Variants in ALOX5 observed in about 807,000 individuals in gnomAD.
ALOX5 encodes the protein polyunsaturated fatty acid 5-lipoxygenase.
Under a neutral mutation model 87.9 loss-of-function variants are expected in ALOX5, and 64 were observed. The ratio of observed to expected loss-of-function variants is 0.73; its 90% CI spans 0.60 to 0.90. ALOX5 has a LOEUF of 0.90. ALOX5 is among the 40% of genes least tolerant of loss of function. The pLI is 0.00. For synonymous variants in ALOX5, 388 were observed against 355.1 expected (o/e 1.09, Z -1.04); for missense variants, 822 against 907.5 (o/e 0.91, Z 1.21).
chr10:45,445,994 G>A lies in ALOX5; in HGVS notation c.*307G>A. Reference sequence around the variant, plus strand: ...GATGTCTATTCTTGTTGGAGACATGGGATGATTATTTTCTGTTCTATTTGT... The same window carrying A: ...GATGTCTATTCTTGTTGGAGACATGAGATGATTATTTTCTGTTCTATTTGT... On this transcript the variant is annotated 3_prime_UTR_variant, in exon 14 of 14. Coordinates refer to ENST00000374391, the MANE Select transcript of ALOX5 (RefSeq NM_000698.5). 1 of 366,394 alleles carries A rather than the reference G, an allele frequency of 2.7e-6. No homozygotes were observed. The highest frequency in any genetic ancestry group is 4.9e-6 in the Non-Finnish European group (1 of 204,052). The allele number at this position is 366,394 out of a possible 1,614,324, so 22.7% of individuals were successfully genotyped here.
chr10:45,436,666 T>C (rs1842069736), intron 7 of ALOX5, among the ~76,000 whole-genome samples: 1 of 152,220 alleles, frequency 6.6e-6, no homozygotes, highest in Admixed American at 6.5e-5. Flanking sequence ...TCTTGTAGTA[T>C]AGTTTGAAGT....
intron 6 of ALOX5, among the ~76,000 whole-genome samples, chr10:45,426,484 A>T (rs1841709009): frequency 6.6e-6 from 1 of 152,226 alleles, no homozygotes; most frequent in African/African-American, 2.4e-5. Flanking sequence ...CACCTTAATG[A>T]TCTACAGCAA....
intron 3 of ALOX5, among the ~76,000 whole-genome samples, chr10:45,396,902 T>TG (rs1413207400): frequency 6.6e-6 from 1 of 152,186 alleles, no homozygotes; most frequent in African/African-American, 2.4e-5. Flanking sequence ...AAAGTTGGTT[T>TG]AACATCCAAA....
At chr10:45,420,237 G>T (rs916824031) in intron 4 of ALOX5, among the ~76,000 whole-genome samples, 1 of 152,176 alleles carries the variant, frequency 6.6e-6, no homozygotes, top group African/African-American at 2.4e-5. Context: ...TGAAATCAGG[G>T]ATGTGTCCCA....
chr10:45,425,135 AG>A lies in ALOX5; in HGVS notation c.834+7del. ...TCAGCTTGGAGCAGGAGGTCCAGGT[AG>A]GGGTTGATGGGCTGGGGAAGTGGCC... is the stretch of plus-strand genomic sequence containing the variant. On this transcript the variant is annotated splice_donor_region_variant and intron_variant, in intron 6 of 13. Transcript: ENST00000374391. This position sits in a 1 kb window ranked among gnomAD's most constrained non-coding sequence, Gnocchi z 4.4. 1.2e-6 allele frequency: 2 copies of A among 1,612,706 alleles called. No homozygotes were observed. The highest frequency in any genetic ancestry group is 1.7e-6 in the Non-Finnish European group (2 of 1,179,396).
At position 45,389,034 on chromosome 10, in the gene ALOX5, T is replaced by C. The variant is rs192430299; in HGVS notation, c.349+6353T>C. Among the ~76,000 whole-genome samples the C allele has an allele frequency of 3.9e-3, 595 of 152,302 alleles. 4 individuals carry two copies. Among genetic ancestry groups the C allele is most frequent in the African/African-American group, 0.013 (551 of 41,550 alleles). ...GAGCTGAAAAACATGGCACGAGAAC[T>C]ATGTGACGAATGCACAAGCTTCAGT... On this transcript the variant is annotated intron_variant, in intron 2 of 13. Transcript: ENST00000374391.
intron 8 of ALOX5, among the ~76,000 whole-genome samples, chr10:45,441,098 G>A (rs1335337906): frequency 3.3e-5 from 5 of 152,230 alleles, no homozygotes; most frequent in African/African-American, 1.2e-4. Context: ...AACTCAGGGA[G>A]CAAAGAGGTA....
intron 7 of ALOX5, among the ~76,000 whole-genome samples, chr10:45,434,922 C>T (rs980091257): frequency 6.6e-6 from 1 of 152,208 alleles, no homozygotes; most frequent in Non-Finnish European, 1.5e-5. Flanking sequence ...TTCTCAGGCT[C>T]TCCTGTCATG....
chr10:45,441,727 T>A (rs1589049750), intron 9 of ALOX5: 1 of 402,560 alleles, frequency 2.5e-6, no homozygotes, highest in Non-Finnish European at 4.3e-6. Context: ...TGGAACACAC[T>A]CCTTATGGCC....
chr10:45,389,646 G>A (rs1047519581), intron 2 of ALOX5, among the ~76,000 whole-genome samples: 51 of 152,204 alleles, frequency 3.4e-4, no homozygotes, highest in Non-Finnish European at 5.9e-4. Flanking sequence ...CAAATGCTGA[G>A]AGATTTTGTC....
intron 7 of ALOX5, among the ~76,000 whole-genome samples, chr10:45,434,086 C>G (rs1841993458): frequency 6.6e-6 from 1 of 152,222 alleles, no homozygotes. Flanking sequence ...CTGGAACTTC[C>G]CTTCAAGGAA....
At position 45,397,210 on chromosome 10, in the gene ALOX5, G is replaced by A. The variant is rs188517278; in HGVS notation, c.431+1274G>A. ...ATCCTGGCCAACATGGTGAAACCCC[G>A]TCTATACTAAAATACAAAAAGTAGC... On this transcript the variant is annotated intron_variant, in intron 3 of 13. Transcript: ENST00000374391. Among the ~76,000 whole-genome samples the A allele has an allele frequency of 3.5e-3, 533 of 152,212 alleles. 2 individuals are homozygous for A. Among genetic ancestry groups the A allele is most frequent in the African/African-American group, 0.012 (484 of 41,522 alleles).
At chr10:45,444,012 C>T in intron 12 of ALOX5, 104 bp from the exon 13 acceptor site, 1 of 1,447,706 alleles carries the variant, frequency 6.9e-7, no homozygotes, top group Non-Finnish European at 9.2e-7. Flanking sequence ...GGACGGACTG[C>T]AGGGCCCGCT....
At chr10:45,416,178 A>T (rs1841284081) in intron 4 of ALOX5, among the ~76,000 whole-genome samples, 1 of 152,156 alleles carries the variant, frequency 6.6e-6, no homozygotes, top group African/African-American at 2.4e-5. Flanking sequence ...TTTAAGCTTC[A>T]TGGCCATCCT....
At chr10:45,428,167 C>T (rs1395507523) in intron 6 of ALOX5, among the ~76,000 whole-genome samples, 2 of 151,332 alleles carry the variant, frequency 1.3e-5, no homozygotes, top group East Asian at 1.9e-4. Flanking sequence ...GACAGCCCCG[C>T]CTCGCTTCCT....
At chr10:45,395,744 C>A in intron 2 of ALOX5, 111 bp from the exon 3 acceptor site, 2 of 846,722 alleles carry the variant, frequency 2.4e-6, no homozygotes. Flanking sequence ...TGAGGTCATG[C>A]ACATAAAGCA....
At chr10:45,433,355 G>A (rs1841968599) in intron 7 of ALOX5, among the ~76,000 whole-genome samples, 1 of 152,248 alleles carries the variant, frequency 6.6e-6, no homozygotes, top group Non-Finnish European at 1.5e-5. Context: ...CGGTCAGAGG[G>A]TCCTGGGGTT....
Position 45,417,728 on chromosome 10 carries a change from G to A in ALOX5, c.554+5415G>A, listed in dbSNP as rs191656573. Among the ~76,000 whole-genome samples, 350 of 152,274 alleles carry A rather than the reference G, an allele frequency of 2.3e-3. 1 individual carries two copies. Among genetic ancestry groups the A allele is most frequent in the Non-Finnish European group, 2.9e-3 (196 of 68,016 alleles). ...GAGATACATCCATAGGGACGCACCC[G>A]CCCCTGCCATCTCTCAGGTCCTACA... On this transcript the variant is annotated intron_variant, in intron 4 of 13. Coordinates refer to ENST00000374391, the MANE Select transcript of ALOX5 (RefSeq NM_000698.5).
In ALOX5 at chr10:45,425,232, G is replaced by A; in HGVS notation, c.834+100G>A. 7.1e-7 allele frequency: 1 copy of A among 1,406,876 alleles called. No individual in the cohort carries two copies. The highest frequency in any genetic ancestry group is 1.4e-5 in the African/African-American group (1 of 69,894). 87.1% of individuals were successfully genotyped at this position (1,406,876 alleles called of 1,614,324 possible). On this transcript the variant is annotated intron_variant, in intron 6 of 13. Transcript: ENST00000374391. This position sits in a 1 kb window ranked among gnomAD's most constrained non-coding sequence, Gnocchi z 4.4. ...CTCATAGGCCACCAAGACGCTAACTGCAGGCCCATCTGGCCTACAGCAGCC... is the reference window on the plus strand; with the variant it reads ...CTCATAGGCCACCAAGACGCTAACTACAGGCCCATCTGGCCTACAGCAGCC...
Sources: allele counts gnomAD v4.1 joint callset (sites outside exome capture counted in the v4.1 genomes callset), GRCh38; gene constraint gnomAD v4.1.1; non-coding constraint Gnocchi (gnomAD v3.1); transcripts MANE v1.5; gene names NCBI Gene and HGNC (gene_info 2026-07-23, HGNC 2026-07-21).